The following EIF4B variants were observed in gnomAD, a reference collection of about 807,000 sequenced individuals.
EIF4B encodes eukaryotic translation initiation factor 4B.
EIF4B carries 8 observed loss-of-function variants against 79.3 expected under a neutral mutation model. The ratio of observed to expected loss-of-function variants is 0.10; its 90% CI spans 0.06 to 0.18. EIF4B has a LOEUF of 0.18. EIF4B is among the 10% of genes least tolerant of loss of function. The pLI, the probability that EIF4B is intolerant of heterozygous loss-of-function variation, is 1.00. For synonymous variants in EIF4B, 238 were observed against 274.7 expected (o/e 0.87, Z 1.32); for missense variants, 515 against 792.4 (o/e 0.65, Z 4.20).
At chr12:53,025,297 CTT>C in intron 6 of EIF4B, 2 of 452,812 alleles carry the variant, frequency 4.4e-6, no homozygotes, top group African/African-American at 2.0e-5. Context: ...AGGGGCATGA[CTT>C]TTCTCACCTG....
rs531526767 is a variant in EIF4B at position 53,019,566 on chromosome 12, A to G, written c.361-344A>G. ...TATTTAGTAGAGATAGGGTTGCACT[A>G]TGTTGGTCAGGCTGGTCTTGAACTC... On this transcript the variant is annotated intron_variant, in intron 3 of 14. Transcript: ENST00000262056. Among the ~76,000 whole-genome samples, 216 of 138,120 alleles carry G rather than the reference A, an allele frequency of 1.6e-3. 3 individuals are homozygous for G. The highest frequency in any genetic ancestry group is 1.5e-3 in the Non-Finnish European group (101 of 65,304). 90.6% of individuals were successfully genotyped at this position (138,120 alleles called of 152,430 possible).
intron 8 of EIF4B, 134 bp downstream of exon 8, chr12:53,028,322 TAGAA>T (rs935924570): frequency 4.3e-5 from 53 of 1,246,780 alleles, no homozygotes; most frequent in Non-Finnish European, 5.0e-5. Flanking sequence ...CAAAGCATAG[TAGAA>T]AGAGCATTGG....
At chr12:53,013,745 C>G (rs1943103330) in intron 1 of EIF4B, 1 of 151,742 alleles carries the variant, frequency 6.6e-6, no homozygotes, top group African/African-American at 2.4e-5. Flanking sequence ...CAAGATGGCG[C>G]CACTGCACTC....
intron 1 of EIF4B, chr12:53,013,664 G>GGC (rs1363065691): frequency 6.6e-6 from 1 of 152,114 alleles, no homozygotes; most frequent in Non-Finnish European, 1.5e-5. Flanking sequence ...GCACATGCCT[G>GGC]TAATCCCAGT....
At chr12:53,033,773 G>C in intron 8 of EIF4B, 33 bp from the exon 9 acceptor site, 1 of 1,554,180 alleles carries the variant, frequency 6.4e-7, no homozygotes, top group East Asian at 2.3e-5. Flanking sequence ...CTGGTGATTG[G>C]AAAACTATTA....
chr12:53,017,580 G>A lies in EIF4B; in HGVS notation c.151+970G>A, dbSNP rs193072446. ...GAAAGAATATTTTTTCCTATGACCT[G>A]TTTTCATAATTCCTAAAAACAGGAA... On this transcript the variant is annotated intron_variant, in intron 2 of 14. Coordinates refer to ENST00000262056, the MANE Select transcript of EIF4B (RefSeq NM_001417.7). Among the ~76,000 whole-genome samples the A allele has an allele frequency of 2.1e-4, 32 of 152,144 alleles. 1 individual carries two copies. Among genetic ancestry groups the A allele is most frequent in the African/African-American group, 7.7e-4 (32 of 41,528 alleles).
chr12:53,026,666 A>G lies in EIF4B; in HGVS notation c.668-1116A>G, dbSNP rs568890644. Among the ~76,000 whole-genome samples the G allele has an allele frequency of 5.9e-4, 90 of 152,254 alleles. 1 individual carries two copies. In the South Asian group the frequency reaches 0.018, roughly 30 times the overall value. ...ACCCAGGCTGGAGTGCCTTGGCACAATCTTGGATCATTGCAACCTCTGCCT... is the reference window on the plus strand; with the variant it reads ...ACCCAGGCTGGAGTGCCTTGGCACAGTCTTGGATCATTGCAACCTCTGCCT... On this transcript the variant is annotated intron_variant, in intron 6 of 14. Transcript: ENST00000262056.
chr12:53,021,976 A>G lies in EIF4B; in HGVS notation c.532+116A>G, dbSNP rs890982986. ...TGGGCCTGCCTGAATCTACAGTAAC[A>G]GTTTTCAATCAGTTTTGCCCCACAG... On this transcript the variant is annotated intron_variant, in intron 5 of 14. Transcript: ENST00000262056. The G allele has an allele frequency of 5.5e-6, 7 of 1,269,258 alleles. No homozygotes were observed. The Admixed American group carries it at 1.1e-4, about 21-fold the overall frequency. The allele number at this position is 1,269,258 out of a possible 1,614,324, so 78.6% of individuals were successfully genotyped here. A position where few individuals can be genotyped will look rare whatever the true frequency, so the allele number is the denominator to read the frequency against.
intron 6 of EIF4B, 135 bp from the exon 7 acceptor site, chr12:53,027,647 C>T: frequency 1.3e-5 from 19 of 1,415,846 alleles, no homozygotes; most frequent in Middle Eastern, 2.7e-4. Context: ...AATTATTTCA[C>T]CAGGGAAACT....
At chr12:53,019,376 G>T (rs1343809490) in intron 3 of EIF4B, among the ~76,000 whole-genome samples, 1 of 149,612 alleles carries the variant, frequency 6.7e-6, no homozygotes, top group Non-Finnish European at 1.5e-5. Context: ...TCCAGCCTGG[G>T]CAACAAGAGT....
chr12:53,025,351 T>C, intron 6 of EIF4B: 1 of 416,484 alleles, frequency 2.4e-6, no homozygotes, highest in Non-Finnish European at 4.8e-6. Flanking sequence ...AACGAGTGAG[T>C]GTGCTGTTGT....
At chr12:53,018,324 A>G (rs1365201917) in intron 2 of EIF4B, among the ~76,000 whole-genome samples, 2 of 152,126 alleles carry the variant, frequency 1.3e-5, no homozygotes, top group South Asian at 4.1e-4. Flanking sequence ...CCATGCAGAA[A>G]AATACTCAAC....
chr12:53,007,163 T>C (rs1302160309), intron 1 of EIF4B, among the ~76,000 whole-genome samples: 1 of 152,174 alleles, frequency 6.6e-6, no homozygotes, highest in African/African-American at 2.4e-5. Flanking sequence ...GTGGGCCCTG[T>C]GCCTGTATTC....
At chr12:53,038,644 TC>T (rs1294344289) in intron 12 of EIF4B, 2 of 215,306 alleles carry the variant, frequency 9.3e-6, no homozygotes, top group Non-Finnish European at 1.8e-5. Context: ...AAACCCCGTC[TC>T]TATTAAAAAT....
intron 8 of EIF4B, among the ~76,000 whole-genome samples, chr12:53,032,955 G>C (rs925980785): frequency 6.6e-6 from 1 of 152,144 alleles, no homozygotes; most frequent in African/African-American, 2.4e-5. Context: ...ACAGGCGTGA[G>C]CCATTGCGCC....
chr12:53,038,641 GTC>G (rs1230305854), intron 12 of EIF4B: 1 of 219,762 alleles, frequency 4.6e-6, no homozygotes, highest in East Asian at 9.3e-5. Flanking sequence ...GTGAAACCCC[GTC>G]TCTATTAAAA....
At chr12:53,026,414 G>T (rs996181357) in intron 6 of EIF4B, among the ~76,000 whole-genome samples, 5 of 152,248 alleles carry the variant, frequency 3.3e-5, no homozygotes, top group African/African-American at 1.2e-4. Flanking sequence ...ACATGTGTGT[G>T]TAAAATATAG....
rs969366008 is a variant in EIF4B at position 53,037,566 on chromosome 12, T to G, written c.1464T>G (p.Ser488Arg). 2.4e-5 allele frequency: 38 copies of G among 1,613,874 alleles called. No individual in the cohort carries two copies. Among genetic ancestry groups the G allele is most frequent in the Non-Finnish European group, 3.1e-5 (37 of 1,179,874 alleles). Reference protein sequence around the residue: ...PPKENAWVKRSSNPPARSQSS... With the variant: ...PPKENAWVKRRSNPPARSQSS... ...AGGAGAATGCTTGGGTGAAGCGAAG[T>G]TCTAACCCTCCTGCTCGATCTCAGA... Residue 488 changes from serine to arginine, a missense_variant, in exon 11 of 15, where the codon AGT becomes AGG. Coordinates refer to ENST00000262056, the MANE Select transcript of EIF4B (RefSeq NM_001417.7).
At chr12:53,025,507 T>C (rs901699822) in intron 6 of EIF4B, among the ~76,000 whole-genome samples, 1 of 152,204 alleles carries the variant, frequency 6.6e-6, no homozygotes, top group Non-Finnish European at 1.5e-5. Context: ...AGTAATAGCA[T>C]GTGCTGCTTT....
Sources: allele counts gnomAD v4.1 joint callset (sites outside exome capture counted in the v4.1 genomes callset), GRCh38; gene constraint gnomAD v4.1.1; transcripts MANE v1.5; gene names NCBI Gene and HGNC (gene_info 2026-07-23, HGNC 2026-07-21).